The following CAMTA1 variants were observed in gnomAD, a reference collection of about 807,000 sequenced individuals.
CAMTA1 encodes calmodulin-binding transcription activator 1.
A neutral mutation model predicts 170.9 loss-of-function variants in CAMTA1; 27 were observed. The ratio of observed to expected loss-of-function variants is 0.16; its 90% CI spans 0.12 to 0.22. CAMTA1 has a LOEUF of 0.22. Among genes scored for constraint, CAMTA1 ranks in the 10% least tolerant of loss-of-function variants. The pLI, the probability that CAMTA1 is intolerant of heterozygous loss-of-function variation, is 1.00. For missense variants in CAMTA1, 1,619 were observed against 2,217.2 expected (o/e 0.73, Z 5.42); for synonymous variants, 833 against 891.5 (o/e 0.93, Z 1.17).
intron 3 of CAMTA1, among the ~76,000 whole-genome samples, chr1:6,926,414 TTTTCTTTTCTCTTTC>T (rs1425806439): frequency 1.7e-4 from 24 of 141,568 alleles, no homozygotes; most frequent in African/African-American, 5.2e-4. Flanking sequence ...CTCCTCTCTC[TTTTCTTTTCTCTTTC>T]TTTCTTTTCT....
intron 3 of CAMTA1, among the ~76,000 whole-genome samples, chr1:6,984,441 G>A (rs748113562): frequency 6.6e-6 from 1 of 151,958 alleles, no homozygotes; most frequent in African/African-American, 2.4e-5. Flanking sequence ...GATGAACCCC[G>A]TCTCTAACAG....
At chr1:7,586,304 T>C (rs1278240142) in intron 6 of CAMTA1, among the ~76,000 whole-genome samples, 1 of 152,116 alleles carries the variant, frequency 6.6e-6, no homozygotes, top group Admixed American at 6.5e-5. Context: ...GTCCAGAAAT[T>C]AGGGAAATGT....
chr1:7,667,808 A>G (rs910243728), intron 9 of CAMTA1, among the ~76,000 whole-genome samples: 1 of 152,208 alleles, frequency 6.6e-6, no homozygotes, highest in Non-Finnish European at 1.5e-5. Context: ...GAAGCCCTCA[A>G]TGCTTCCAGT....
chr1:6,936,436 G>A (rs1185038411), intron 3 of CAMTA1, among the ~76,000 whole-genome samples: 1 of 152,152 alleles, frequency 6.6e-6, no homozygotes. Context: ...TGTCACTGGT[G>A]GCCAGAGGCA....
At chr1:7,566,022 A>G (rs1055161138) in intron 6 of CAMTA1, among the ~76,000 whole-genome samples, 2 of 152,088 alleles carry the variant, frequency 1.3e-5, no homozygotes, top group Non-Finnish European at 2.9e-5. Flanking sequence ...TTGAACCTTA[A>G]TTACCTTCTA....
chr1:7,474,674 G>A (rs2093391194), intron 6 of CAMTA1, among the ~76,000 whole-genome samples: 1 of 152,222 alleles, frequency 6.6e-6, no homozygotes, highest in African/African-American at 2.4e-5. Context: ...GAGCCCCGCT[G>A]GTACAGGCAG....
chr1:7,384,151 G>A (rs1236666507), intron 5 of CAMTA1, among the ~76,000 whole-genome samples: 4 of 152,244 alleles, frequency 2.6e-5, no homozygotes, highest in Non-Finnish European at 4.4e-5. Flanking sequence ...GAAGGCTTCT[G>A]TGCCAGGGAT....
intron 5 of CAMTA1, among the ~76,000 whole-genome samples, chr1:7,404,597 T>G (rs192909264): frequency 7.1e-4 from 108 of 152,284 alleles, no homozygotes; most frequent in East Asian, 6.8e-3. Context: ...CCCAGGAGTT[T>G]TGGGGACCCT....
chr1:6,858,356 T>C (rs1663218207), intron 3 of CAMTA1, among the ~76,000 whole-genome samples: 1 of 152,066 alleles, frequency 6.6e-6, no homozygotes, highest in Non-Finnish European at 1.5e-5. Flanking sequence ...TCAGTATTAT[T>C]ACAATAAAAT....
chr1:7,375,281 G>A (rs755023378), intron 5 of CAMTA1, among the ~76,000 whole-genome samples: 3 of 152,172 alleles, frequency 2.0e-5, no homozygotes, highest in Non-Finnish European at 4.4e-5. Context: ...GAGGACGCCA[G>A]TGCATGCAGG....
At position 7,054,440 on chromosome 1, in the gene CAMTA1, A is replaced by G. The variant is rs571018522; in HGVS notation, c.235-36864A>G. 8.5e-5 allele frequency among the ~76,000 whole-genome samples: 13 copies of G among 152,076 alleles called. No homozygotes were observed. In the South Asian group the frequency reaches 2.5e-3, roughly 29 times the overall value. ...CATCTTCGCCTTTTTTTGATTCTCT[A>G]TTTTTCTCTTTCATTTTTGCATGGC... On this transcript the variant is annotated intron_variant, in intron 3 of 22. Coordinates refer to ENST00000303635, the MANE Select transcript of CAMTA1 (RefSeq NM_015215.4).
At position 6,887,894 on chromosome 1, in the gene CAMTA1, G is replaced by C. The variant is rs985679274; in HGVS notation, c.234+62684G>C. 1.4e-6 allele frequency: 2 copies of C among 1,386,952 alleles called. No individual in the cohort carries two copies. Among genetic ancestry groups the C allele is most frequent in the Non-Finnish European group, 1.9e-6 (2 of 1,068,286 alleles). 85.9% of individuals were successfully genotyped at this position (1,386,952 alleles called of 1,614,324 possible). ...AAATAGAATAAAGTGACCTACTCTT[G>C]CCTCATCCGGAGTTATTACGAAGGA... On this transcript the variant is annotated intron_variant, in intron 3 of 22. Transcript: ENST00000303635. This position sits in a 1 kb window ranked among gnomAD's most constrained non-coding sequence, Gnocchi z 4.1.
chr1:7,108,206 A>C (rs748779699), intron 4 of CAMTA1, among the ~76,000 whole-genome samples: 1 of 152,230 alleles, frequency 6.6e-6, no homozygotes, highest in Non-Finnish European at 1.5e-5. Context: ...TTGGTGGTCA[A>C]GAGCCGGGCT....
At position 7,601,122 on chromosome 1, in the gene CAMTA1, C is replaced by A. The variant is rs55892238; in HGVS notation, c.511-39278C>A. On this transcript the variant is annotated intron_variant, in intron 6 of 22. Transcript: ENST00000303635. ...TGGCCGGGCCGGGGGCTGACCCCCCCACCTCCCTCCCGGACGGGGCGGCTG... is the reference window on the plus strand; with the variant it reads ...TGGCCGGGCCGGGGGCTGACCCCCCAACCTCCCTCCCGGACGGGGCGGCTG... 2.6e-3 allele frequency among the ~76,000 whole-genome samples: 390 copies of A among 149,942 alleles called. 1 individual carries two copies. Among genetic ancestry groups the A allele is most frequent in the Non-Finnish European group, 4.4e-3 (299 of 67,354 alleles).
chr1:7,508,366 A>T (rs75808794), intron 6 of CAMTA1, among the ~76,000 whole-genome samples: 2,722 of 152,338 alleles, frequency 0.018, 93 homozygotes, highest in African/African-American at 0.062. Flanking sequence ...GGGGCTGGTG[A>T]GGCTTGAAAA....
At chr1:7,179,750 A>G (rs1651709871) in intron 4 of CAMTA1, among the ~76,000 whole-genome samples, 1 of 152,216 alleles carries the variant, frequency 6.6e-6, no homozygotes, top group African/African-American at 2.4e-5. Context: ...TTGGAAGGAA[A>G]TTCATATCCC....
intron 3 of CAMTA1, among the ~76,000 whole-genome samples, chr1:7,019,379 G>T (rs929653116): frequency 1.1e-4 from 16 of 152,304 alleles, no homozygotes; most frequent in African/African-American, 3.6e-4. Flanking sequence ...GTGAGAGATT[G>T]GGTTGGGGAT....
At chr1:7,276,074 G>T (rs1308793545) in intron 5 of CAMTA1, among the ~76,000 whole-genome samples, 2 of 151,162 alleles carry the variant, frequency 1.3e-5, no homozygotes, top group Non-Finnish European at 2.9e-5. Flanking sequence ...GGTGTGCAAA[G>T]TTGGTTTAAC....
intron 5 of CAMTA1, among the ~76,000 whole-genome samples, chr1:7,361,769 G>A (rs1278122709): frequency 6.6e-6 from 1 of 152,164 alleles, no homozygotes; most frequent in African/African-American, 2.4e-5. Flanking sequence ...GCCTTGGTGG[G>A]GATTATCCCG....
Sources: allele counts gnomAD v4.1 joint callset (sites outside exome capture counted in the v4.1 genomes callset), GRCh38; gene constraint gnomAD v4.1.1; non-coding constraint Gnocchi (gnomAD v3.1); transcripts MANE v1.5; gene names NCBI Gene and HGNC (gene_info 2026-07-23, HGNC 2026-07-21).